Variants in TEX10 observed in about 807,000 individuals in gnomAD.
TEX10 encodes the protein testis expressed 10, also known as testis-expressed protein 10.
Under a neutral mutation model 104.4 loss-of-function variants are expected in TEX10, and 24 were observed. That is an observed-to-expected ratio of 0.23 (90% confidence interval 0.17 to 0.32). The LOEUF (loss-of-function observed/expected upper bound fraction) is 0.32, where lower values mean the gene tolerates loss of function less well. TEX10 is among the 10% of genes least tolerant of loss of function. TEX10 has a pLI of 1.00. For missense variants in TEX10, 921 were observed against 1,083.9 expected, an observed-to-expected ratio of 0.85 and a Z score of 2.11; for synonymous variants, 396 against 393.4, an observed-to-expected ratio of 1.01 and a Z score of -0.08.
chr9:100,317,965 G>T (rs532029942), intron 11 of TEX10, among the ~76,000 whole-genome samples: 4 of 151,800 alleles, frequency 2.6e-5, no homozygotes, highest in African/African-American at 9.7e-5. Context: ...CTATTAAGAA[G>T]ACAAAAAAAA....
chr9:100,346,392 T>A, intron 3 of TEX10, 77 bp from the exon 4 acceptor site: 1 of 1,449,082 alleles, frequency 6.9e-7, no homozygotes, highest in Non-Finnish European at 9.2e-7. Context: ...ATCTTAAATA[T>A]AAAGTACTAG....
chr9:100,312,492 C>A (rs888233449), intron 11 of TEX10, among the ~76,000 whole-genome samples: 16 of 152,196 alleles, frequency 1.1e-4, no homozygotes, highest in Admixed American at 9.2e-4. Flanking sequence ...AGAATAAACT[C>A]TGTGGTGTTG....
At chr9:100,323,574 C>T (rs2086241346) in intron 9 of TEX10, among the ~76,000 whole-genome samples, 1 of 152,224 alleles carries the variant, frequency 6.6e-6, no homozygotes, top group South Asian at 2.1e-4. Context: ...ATGAGGAAAA[C>T]ATCAGATTGT....
At chr9:100,302,917 C>CT (rs1209545961) in intron 14 of TEX10, among the ~76,000 whole-genome samples, 2 of 131,030 alleles carry the variant, frequency 1.5e-5, no homozygotes, top group Admixed American at 8.8e-5. Flanking sequence ...ATACAAGACA[C>CT]TTTTTTAACC....
chr9:100,349,998 C>T (rs182219130), intron 1 of TEX10, among the ~76,000 whole-genome samples: 1 of 152,262 alleles, frequency 6.6e-6, no homozygotes, highest in Admixed American at 6.5e-5. Context: ...TCAGACTAAA[C>T]AGAAAACAGT....
At chr9:100,311,402 A>G (rs970367419) in intron 11 of TEX10, among the ~76,000 whole-genome samples, 2 of 152,156 alleles carry the variant, frequency 1.3e-5, no homozygotes, top group Non-Finnish European at 2.9e-5. Context: ...ACTGTCTCCA[A>G]AAAATAAGTG....
At chr9:100,352,360 G>T (rs112484432) in intron 1 of TEX10, 1 of 1,551,420 alleles carries the variant, frequency 6.4e-7, no homozygotes, top group South Asian at 1.2e-5. Context: ...CGGAACAGGG[G>T]ACGCCAGCTC....
At chr9:100,336,856 AAGAGT>A in intron 5 of TEX10, among the ~76,000 whole-genome samples, 1 of 152,214 alleles carries the variant, frequency 6.6e-6, no homozygotes, top group East Asian at 1.9e-4. Context: ...GCATTTACTT[AAGAGT>A]AGCCTGTAGG....
At chr9:100,310,105 C>T (rs1834236227) in intron 12 of TEX10, among the ~76,000 whole-genome samples, 194 bp downstream of exon 12, 1 of 152,170 alleles carries the variant, frequency 6.6e-6, no homozygotes, top group Non-Finnish European at 1.5e-5. Flanking sequence ...CCCAAGGTCA[C>T]TCAGAAGTAA....
intron 11 of TEX10, among the ~76,000 whole-genome samples, chr9:100,313,887 C>A (rs1366932694): frequency 2.0e-5 from 3 of 151,614 alleles, no homozygotes; most frequent in Admixed American, 2.0e-4. Flanking sequence ...GGAACGTAGC[C>A]TTCTTTTCTC....
chr9:100,349,187 T>C lies in TEX10; in HGVS notation c.177A>G (p.Ile59Met), dbSNP rs1411561917. The change falls in exon 2 of 15, where the codon ATA becomes ATG. Residue 59 changes from isoleucine (I) to methionine (M), a missense_variant. Physicochemically the swap from Ile to Met is conservative, Grantham distance 10 (BLOSUM62 1). This residue lies in a region of TEX10 where 118 missense variants were observed against 111.3 expected (regional missense o/e 1.06). Coordinates refer to ENST00000374902, the MANE Select transcript of TEX10 (RefSeq NM_017746.4). ...TLPTNNRKLNIKDLLSQMHHY... is the reference protein window; with the variant it reads ...TLPTNNRKLNMKDLLSQMHHY... ...CAAAACATGATTTATGATTTACCTT[T>C]ATGTTAAGTTTTCTATTGTTTGTTG... 2 of 1,537,968 alleles carry C rather than the reference T, an allele frequency of 1.3e-6. No individual in the cohort carries two copies. The highest frequency in any genetic ancestry group is 2.3e-5 in the Admixed American group (1 of 42,778).
chr9:100,341,127 C>T (rs182931220), intron 4 of TEX10, among the ~76,000 whole-genome samples: 10 of 152,226 alleles, frequency 6.6e-5, no homozygotes, highest in South Asian at 6.2e-4. Flanking sequence ...TTACCACGCT[C>T]GGCTAATTTT....
At chr9:100,329,490 T>C (rs1244649201) in intron 6 of TEX10, among the ~76,000 whole-genome samples, 2 of 152,046 alleles carry the variant, frequency 1.3e-5, no homozygotes, top group African/African-American at 4.8e-5. Context: ...ACAACAAACC[T>C]AGGAATGACA....
At chr9:100,328,184 A>T (rs1834757436) in intron 7 of TEX10, among the ~76,000 whole-genome samples, 1 of 152,158 alleles carries the variant, frequency 6.6e-6, no homozygotes, top group Admixed American at 6.5e-5. Flanking sequence ...GCAGTATCTA[A>T]ATTGTATTTT....
intron 14 of TEX10, 62 bp downstream of exon 14, chr9:100,303,570 G>T (rs1448721632): frequency 3.8e-6 from 6 of 1,564,574 alleles, no homozygotes; most frequent in African/African-American, 1.4e-5. Context: ...TTTCCCCCAT[G>T]CCCCCGTCAT....
chr9:100,333,598 T>C (rs141753965), intron 5 of TEX10, among the ~76,000 whole-genome samples: 202 of 143,720 alleles, frequency 1.4e-3, no homozygotes, highest in African/African-American at 5.2e-3. Context: ...TTGAGCCCAG[T>C]TCAAAATCAG....
At chr9:100,335,930 G>A (rs1446972183) in intron 5 of TEX10, among the ~76,000 whole-genome samples, 7 of 152,050 alleles carry the variant, frequency 4.6e-5, no homozygotes, top group Non-Finnish European at 1.5e-5. Flanking sequence ...TAAAAATACA[G>A]GCTGGGCACA....
intron 4 of TEX10, among the ~76,000 whole-genome samples, chr9:100,343,318 A>C (rs1468842486): frequency 7.0e-6 from 1 of 143,298 alleles, no homozygotes; most frequent in African/African-American, 2.6e-5. Flanking sequence ...TAAAATAAAA[A>C]AGATAGGTAA....
At chr9:100,338,978 G>A (rs1052568043) in intron 5 of TEX10, among the ~76,000 whole-genome samples, 7 of 151,976 alleles carry the variant, frequency 4.6e-5, no homozygotes, top group Admixed American at 3.9e-4. Context: ...TTAAGGCTGG[G>A]TACAGTGGCT....
Sources: allele counts gnomAD v4.1 joint callset (sites outside exome capture counted in the v4.1 genomes callset), GRCh38; gene constraint gnomAD v4.1.1; regional missense constraint gnomAD v4.1.1; transcripts MANE v1.5; gene names NCBI Gene and HGNC (gene_info 2026-07-23, HGNC 2026-07-21).